GXYLT1: variants seen among roughly 807,000 people sequenced by gnomAD.
GXYLT1 encodes the protein glucoside xylosyltransferase 1, also known as glycosyltransferase 8 domain containing 3.
GXYLT1 carries 29 observed loss-of-function variants against 54.0 expected under a neutral mutation model. The observed-to-expected ratio is 0.54, with a 90% CI of 0.40 to 0.73. The LOEUF (loss-of-function observed/expected upper bound fraction) is 0.73. Among genes scored for constraint, GXYLT1 ranks in the 30% least tolerant of loss-of-function variants. The pLI is 0.00. For missense variants in GXYLT1, 490 were observed against 553.4 expected (o/e 0.89, Z 1.15); for synonymous variants, 176 against 204.1 (o/e 0.86, Z 1.17).
Position 42,087,943 on chromosome 12 carries a change from G to C in GXYLT1, c.1166C>G (p.Ser389Cys), listed in dbSNP as rs772359758. 5 of 1,483,592 alleles carry C rather than the reference G, an allele frequency of 3.4e-6. No individual in the cohort carries two copies. The Admixed American group carries it at 9.8e-5, about 29-fold the overall frequency. The allele number at this position is 1,483,592 out of a possible 1,614,324, so 91.9% of individuals were successfully genotyped here. A position where few individuals can be genotyped will look rare whatever the true frequency, so the allele number is the denominator to read the frequency against. The change falls in exon 8 of 8, where the codon TCT becomes TGT. Residue 389 changes from serine (S) to cysteine (C), a missense_variant. This residue lies in a region of GXYLT1 where 342 missense variants were observed against 342.6 expected (regional missense o/e 1.00). Coordinates refer to ENST00000398675, the MANE Select transcript of GXYLT1 (RefSeq NM_173601.2). ...GGAACGGATGTTGTCATCTTCAAAA[G>C]AACACTAGAGAAAGAAAATTTTAAA... ...RAVYEALRNC[S>C]FEDDNIRSLL... is the part of the protein sequence containing the mutation.
At chr12:42,135,540 T>C (rs1038655865) in intron 1 of GXYLT1, among the ~76,000 whole-genome samples, 9 of 152,008 alleles carry the variant, frequency 5.9e-5, no homozygotes, top group Non-Finnish European at 2.9e-5. Context: ...TTATTCATAA[T>C]AGCCAAAAAG....
chr12:42,131,883 T>C (rs550302010), intron 1 of GXYLT1, among the ~76,000 whole-genome samples: 1 of 152,334 alleles, frequency 6.6e-6, no homozygotes, highest in Admixed American at 6.5e-5. Context: ...GTCTTTCAGA[T>C]ACAGATGATA....
At chr12:42,126,794 C>T (rs997784837) in intron 2 of GXYLT1, among the ~76,000 whole-genome samples, 2 of 150,946 alleles carry the variant, frequency 1.3e-5, no homozygotes, top group Non-Finnish European at 1.5e-5. Context: ...GCAGGAGAAT[C>T]GCTTGAGCCC....
rs996510615 is a variant in GXYLT1 at position 42,084,464 on chromosome 12, A to G, written c.*3322T>C. The G allele has an allele frequency of 6.6e-6, 1 of 152,160 alleles. No individual in the cohort carries two copies. The highest frequency in any genetic ancestry group is 1.5e-5 in the Non-Finnish European group (1 of 68,004). The allele number at this position is 152,160 out of a possible 1,614,324, so 9.4% of individuals were successfully genotyped here. A position where few individuals can be genotyped will look rare whatever the true frequency, so the allele number is the denominator to read the frequency against. On this transcript the variant is annotated 3_prime_UTR_variant, in exon 8 of 8. Coordinates refer to ENST00000398675, the MANE Select transcript of GXYLT1 (RefSeq NM_173601.2). ...TGAACGCTCTGTACAGAAAACAACG[A>G]ACAAAACAGAACTTCAACAGTAACA...
chr12:42,100,599 A>G (rs1318954759), intron 5 of GXYLT1, among the ~76,000 whole-genome samples: 1 of 151,998 alleles, frequency 6.6e-6, no homozygotes, highest in Non-Finnish European at 1.5e-5. Context: ...CTACAACTGC[A>G]TTATTATCCT....
chr12:42,098,524 A>T (rs536219833), intron 5 of GXYLT1, among the ~76,000 whole-genome samples: 5 of 152,010 alleles, frequency 3.3e-5, no homozygotes, highest in African/African-American at 9.6e-5. Context: ...AAATCAAATT[A>T]AAAAATGCAT....
rs540139192 is a variant in GXYLT1, at chr12:42,099,159, T to C, written c.865-1126A>G. Reference sequence around the variant, plus strand: ...GAGCTGACAGATTCACCCAACCCATTTTAACAACTGTAAGCTTTGCTATCA... The same window carrying C: ...GAGCTGACAGATTCACCCAACCCATCTTAACAACTGTAAGCTTTGCTATCA... On this transcript the variant is annotated intron_variant, in intron 5 of 7. Coordinates refer to ENST00000398675, the MANE Select transcript of GXYLT1 (RefSeq NM_173601.2). 2.0e-5 allele frequency among the ~76,000 whole-genome samples: 3 copies of C among 152,182 alleles called. No homozygotes were observed. In the South Asian group the frequency reaches 6.2e-4, roughly 32 times the overall value.
chr12:42,089,295 C>T (rs913469560), intron 7 of GXYLT1, among the ~76,000 whole-genome samples: 1 of 129,270 alleles, frequency 7.7e-6, no homozygotes, highest in East Asian at 2.2e-4. Flanking sequence ...AATGAGAACA[C>T]ATGGACACAG....
rs201526563 is a variant in GXYLT1 at position 42,097,619 on chromosome 12, A to G, written c.989-5T>C. The G allele has an allele frequency of 5.6e-6, 9 of 1,602,956 alleles. No individual in the cohort carries two copies. The African/African-American group carries it at 9.4e-5, about 17-fold the overall frequency. ...ACGGAAAAACAAAAAGGCTTTCTAC[A>G]TAAAGAAAAGACCAAACAATGAAGC... On this transcript the variant is annotated splice_region_variant and splice_polypyrimidine_tract_variant and intron_variant, in intron 6 of 7. Coordinates refer to ENST00000398675, the MANE Select transcript of GXYLT1 (RefSeq NM_173601.2).
Position 42,110,860 on chromosome 12 carries a change from G to A in GXYLT1, c.487-1169C>T, listed in dbSNP as rs184515398. ...AATAGTGCTCTTTCATGTACTAAAA[G>A]CATGTTCCATAAAATATTTGATATT... On this transcript the variant is annotated intron_variant, in intron 3 of 7. Coordinates refer to ENST00000398675, the MANE Select transcript of GXYLT1 (RefSeq NM_173601.2). Among the ~76,000 whole-genome samples the A allele has an allele frequency of 4.2e-3, 636 of 152,206 alleles. 4 individuals carry two copies. The highest frequency in any genetic ancestry group is 0.014 in the Middle Eastern group (4 of 294).
chr12:42,103,477 C>T (rs1031708368), intron 5 of GXYLT1, among the ~76,000 whole-genome samples: 3 of 152,060 alleles, frequency 2.0e-5, no homozygotes, highest in African/African-American at 4.8e-5. Flanking sequence ...AGTTATATTG[C>T]TAAATTTCTA....
Position 42,085,548 on chromosome 12 carries a change from T to A in GXYLT1, c.*2238A>T, listed in dbSNP as rs1327572917. 6.6e-6 allele frequency: 1 copy of A among 151,998 alleles called. No homozygotes were observed. The highest frequency in any genetic ancestry group is 1.5e-5 in the Non-Finnish European group (1 of 67,988). The allele number at this position is 151,998 out of a possible 1,614,324, so 9.4% of individuals were successfully genotyped here. On this transcript the variant is annotated 3_prime_UTR_variant, in exon 8 of 8. Coordinates refer to ENST00000398675, the MANE Select transcript of GXYLT1 (RefSeq NM_173601.2). ...TATAATCCACCAAACGTGCCAAGAA[T>A]TGTGGTATCCTAACTTGAACTTTCA...
At chr12:42,097,055 G>A (rs2065359684) in intron 7 of GXYLT1, among the ~76,000 whole-genome samples, 2 of 152,044 alleles carry the variant, frequency 1.3e-5, no homozygotes, top group Non-Finnish European at 2.9e-5. Flanking sequence ...AACTGTTCTA[G>A]ATCAAAAGAG....
At chr12:42,116,246 A>G (rs1280941454) in intron 3 of GXYLT1, among the ~76,000 whole-genome samples, 1 of 152,122 alleles carries the variant, frequency 6.6e-6, no homozygotes, top group Non-Finnish European at 1.5e-5. Context: ...TAAAACACCA[A>G]AAGCAATGGC....
intron 1 of GXYLT1, among the ~76,000 whole-genome samples, chr12:42,136,897 T>C (rs759615317): frequency 1.3e-5 from 2 of 151,926 alleles, no homozygotes; most frequent in African/African-American, 4.8e-5. Context: ...CCTCAACCTC[T>C]GGAGTAGCTG....
At chr12:42,125,024 T>C (rs2065552352) in intron 2 of GXYLT1, among the ~76,000 whole-genome samples, 1 of 152,140 alleles carries the variant, frequency 6.6e-6, no homozygotes, top group South Asian at 2.1e-4. Flanking sequence ...GTTAACGGTC[T>C]AGAAGTGGAT....
At chr12:42,125,625 T>C (rs2136911701) in intron 2 of GXYLT1, among the ~76,000 whole-genome samples, 1 of 151,978 alleles carries the variant, frequency 6.6e-6, no homozygotes, top group South Asian at 2.1e-4. Flanking sequence ...GTAAGAGAAA[T>C]AAAATTAAGC....
At chr12:42,137,518 A>G (rs2065626612) in intron 1 of GXYLT1, among the ~76,000 whole-genome samples, 1 of 150,094 alleles carries the variant, frequency 6.7e-6, no homozygotes, top group African/African-American at 2.5e-5. Flanking sequence ...AAAAAAAAAA[A>G]AAAAAAAGCG....
rs140521665 is a variant in GXYLT1, at chr12:42,107,752, A to C, written c.613-1683T>G. 3.8e-4 allele frequency among the ~76,000 whole-genome samples: 58 copies of C among 152,024 alleles called. 2 individuals carry two copies. The highest frequency in any genetic ancestry group is 1.4e-3 in the African/African-American group (58 of 41,500). On this transcript the variant is annotated intron_variant, in intron 4 of 7. Coordinates refer to ENST00000398675, the MANE Select transcript of GXYLT1 (RefSeq NM_173601.2). ...TCTGTATGTCTATCTCACTTTTTTG[A>C]GGGGTGGTGGAGTTAGAATTGTTTT...
Sources: allele counts gnomAD v4.1 joint callset (sites outside exome capture counted in the v4.1 genomes callset), GRCh38; gene constraint gnomAD v4.1.1; regional missense constraint gnomAD v4.1.1; transcripts MANE v1.5; gene names NCBI Gene and HGNC (gene_info 2026-07-23, HGNC 2026-07-21).